Variants in IQSEC1 observed in about 807,000 individuals in gnomAD.
IQSEC1 encodes the protein IQ motif and Sec7 domain ArfGEF 1, also known as IQ motif and SEC7 domain-containing protein 1.
IQSEC1 carries 31 observed loss-of-function variants against 91.0 expected under a neutral mutation model. The observed-to-expected ratio is 0.34, with a 90% CI of 0.26 to 0.46. The LOEUF (loss-of-function observed/expected upper bound fraction) is 0.46, where lower values mean the gene tolerates loss of function less well. IQSEC1 is among the 20% of genes least tolerant of loss of function. The pLI is 1.00. For synonymous variants in IQSEC1, 699 were observed against 662.6 expected (o/e 1.05, Z -0.84); for missense variants, 1,388 against 1,575.6 (o/e 0.88, Z 2.02).
chr3:13,012,920 T>C (rs936015229), intron 1 of IQSEC1, among the ~76,000 whole-genome samples: 14 of 147,570 alleles, frequency 9.5e-5, no homozygotes, highest in Non-Finnish European at 1.8e-4. Context: ...CAAGGTCACA[T>C]AGCTACGAAA....
At chr3:13,260,653 T>TCCA (rs1371569104) in intron 1 of IQSEC1, among the ~76,000 whole-genome samples, 1 of 152,158 alleles carries the variant, frequency 6.6e-6, no homozygotes, top group African/African-American at 2.4e-5. Flanking sequence ...CGCTGCCTCT[T>TCCA]CCAACTCCAG....
intron 2 of IQSEC1, among the ~76,000 whole-genome samples, chr3:13,154,373 G>A (rs1477376716): frequency 1.4e-5 from 2 of 139,188 alleles, no homozygotes; most frequent in Non-Finnish European, 3.1e-5. Flanking sequence ...GGGTGCTAAT[G>A]GGCATCTGCA....
intron 1 of IQSEC1, among the ~76,000 whole-genome samples, chr3:13,266,451 C>T (rs555271384): frequency 2.3e-4 from 35 of 152,270 alleles, no homozygotes; most frequent in South Asian, 1.2e-3. Context: ...AGCTGGGTGA[C>T]GGGGAGCCCA....
intron 2 of IQSEC1, among the ~76,000 whole-genome samples, chr3:13,142,459 C>G (rs1366479675): frequency 6.6e-6 from 1 of 152,282 alleles, no homozygotes; most frequent in Middle Eastern, 3.4e-3. Context: ...GATGTTGGAT[C>G]CCGCACAGGT....
At chr3:13,114,618 C>T (rs973866538) in intron 2 of IQSEC1, among the ~76,000 whole-genome samples, 1 of 151,828 alleles carries the variant, frequency 6.6e-6, no homozygotes, top group African/African-American at 2.4e-5. Flanking sequence ...ATGGTGAAAC[C>T]CTGTCTCTAC....
At chr3:13,175,691 G>T (rs182934909) in intron 1 of IQSEC1, among the ~76,000 whole-genome samples, 2 of 152,224 alleles carry the variant, frequency 1.3e-5, no homozygotes, top group African/African-American at 4.8e-5. Flanking sequence ...ATTCCTCGAC[G>T]TTTGAGAGGC....
chr3:12,913,083 G>C (rs999742353), intron 9 of IQSEC1, among the ~76,000 whole-genome samples: 1 of 152,260 alleles, frequency 6.6e-6, no homozygotes, highest in Non-Finnish European at 1.5e-5. Context: ...ATCAGGTCTG[G>C]AGCTGCTGGG....
At chr3:13,060,696 G>A (rs766668714) in intron 1 of IQSEC1, among the ~76,000 whole-genome samples, 2 of 152,226 alleles carry the variant, frequency 1.3e-5, no homozygotes, top group Non-Finnish European at 2.9e-5. Flanking sequence ...CGGTATGTCT[G>A]GCCAGCAGCA....
chr3:12,987,668 A>C (rs1701807086), intron 1 of IQSEC1, among the ~76,000 whole-genome samples: 1 of 152,226 alleles, frequency 6.6e-6, no homozygotes, highest in Admixed American at 6.5e-5. Flanking sequence ...GGCAGGAGGG[A>C]GGGAGAAGAG....
intron 1 of IQSEC1, among the ~76,000 whole-genome samples, chr3:13,065,258 AG>A (rs1272397407): frequency 6.6e-6 from 1 of 152,246 alleles, no homozygotes; most frequent in East Asian, 1.9e-4. Flanking sequence ...CAGCTTGCTG[AG>A]GGAGCACTTC....
intron 1 of IQSEC1, among the ~76,000 whole-genome samples, chr3:13,268,500 T>G (rs1695535066): frequency 6.6e-6 from 1 of 152,210 alleles, no homozygotes; most frequent in Non-Finnish European, 1.5e-5. Context: ...CTAGACTTTC[T>G]GATGAGGCTC....
chr3:13,257,955 C>T (rs1366474952), intron 1 of IQSEC1, among the ~76,000 whole-genome samples: 1 of 152,196 alleles, frequency 6.6e-6, no homozygotes, highest in Non-Finnish European at 1.5e-5. Context: ...ATAAACTGTG[C>T]TACATCCAGA....
In IQSEC1 at chr3:12,897,157, G is replaced by C. The variant is rs552329731; in HGVS notation, c.*3826C>G. On this transcript the variant is annotated 3_prime_UTR_variant, in exon 14 of 14. Transcript: ENST00000613206. ...CAACAAGTAATGGGGAAACTCATCA[G>C]CTGGAGATCTGGGTCTGGCCAACAG... is the stretch of plus-strand genomic sequence containing the variant. 3.3e-5 allele frequency: 5 copies of C among 152,250 alleles called. No individual in the cohort carries two copies. The highest frequency in any genetic ancestry group is 5.9e-5 in the Non-Finnish European group (4 of 68,042). The allele number at this position is 152,250 out of a possible 1,614,324, so 9.4% of individuals were successfully genotyped here. A position where few individuals can be genotyped will look rare whatever the true frequency, so the allele number is the denominator to read the frequency against.
At chr3:13,084,799 G>T (rs1705708271) in intron 2 of IQSEC1, among the ~76,000 whole-genome samples, 1 of 152,178 alleles carries the variant, frequency 6.6e-6, no homozygotes, top group African/African-American at 2.4e-5. Context: ...CCAGAACTGG[G>T]GAGGCGATAG....
chr3:13,117,167 T>G (rs762604951), intron 2 of IQSEC1, among the ~76,000 whole-genome samples: 6 of 149,792 alleles, frequency 4.0e-5, no homozygotes, highest in Non-Finnish European at 5.9e-5. Context: ...AAATCATGAA[T>G]AGACCTTTCT....
chr3:13,069,097 G>T (rs959589686), intron 1 of IQSEC1, among the ~76,000 whole-genome samples: 1 of 152,248 alleles, frequency 6.6e-6, no homozygotes. Context: ...GGCTGTAAAG[G>T]GTGGATAGAT....
At chr3:13,025,463 T>C (rs1703576793) in intron 1 of IQSEC1, among the ~76,000 whole-genome samples, 1 of 152,064 alleles carries the variant, frequency 6.6e-6, no homozygotes, top group South Asian at 2.1e-4. Flanking sequence ...GCAGGCACAG[T>C]GGAGGGACAG....
intron 2 of IQSEC1, among the ~76,000 whole-genome samples, chr3:13,163,554 C>A (rs1432984006): frequency 1.3e-5 from 2 of 152,160 alleles, no homozygotes; most frequent in African/African-American, 4.8e-5. Flanking sequence ...AGACCAGACC[C>A]TCTTCTAGGT....
rs76985671 is a variant in IQSEC1, at chr3:13,217,837, C to T, written c.273-53704G>A. 7.1e-3 allele frequency among the ~76,000 whole-genome samples: 1,082 copies of T among 152,274 alleles called. 12 individuals are homozygous for T. Among genetic ancestry groups the T allele is most frequent in the African/African-American group, 0.024 (1,003 of 41,552 alleles). ...TACCAGGAACACAAAACAATGACAT[C>T]ACATTCTTGCTCCAGACTCTTGCTG... On this transcript the variant is annotated intron_variant, in intron 1 of 15. Coordinates refer to the IQSEC1 transcript ENST00000648114.
Sources: allele counts gnomAD v4.1 joint callset (sites outside exome capture counted in the v4.1 genomes callset), GRCh38; gene constraint gnomAD v4.1.1; transcripts MANE v1.5; gene names NCBI Gene and HGNC (gene_info 2026-07-23, HGNC 2026-07-21).